The following BRSK1 variants were observed in gnomAD, a reference collection of about 807,000 sequenced individuals.
BRSK1 encodes the protein BR serine/threonine kinase 1, also known as serine/threonine-protein kinase BRSK1.
Under a neutral mutation model 86.2 loss-of-function variants are expected in BRSK1, and 17 were observed. The ratio of observed to expected loss-of-function variants is 0.20; its 90% CI spans 0.14 to 0.30. BRSK1 has a LOEUF of 0.30. BRSK1 is among the 10% of genes least tolerant of loss of function. The pLI, the probability that BRSK1 is intolerant of heterozygous loss-of-function variation, is 1.00. For missense variants in BRSK1, 719 were observed against 1,071.9 expected, an observed-to-expected ratio of 0.67 and a Z score of 4.60; for synonymous variants, 464 against 440.1, an observed-to-expected ratio of 1.05 and a Z score of -0.68.
At chr19:55,311,538 C>G (rs1006544599) in intron 18 of BRSK1, among the ~76,000 whole-genome samples, 1 of 152,116 alleles carries the variant, frequency 6.6e-6, no homozygotes, top group Admixed American at 6.5e-5. Flanking sequence ...AGTCGGGGGG[C>G]CCCTCTTGCT....
Position 55,303,891 on chromosome 19 carries a change from C to T in BRSK1, c.1286+65C>T, listed in dbSNP as rs2088608288. ...GGGTCTAGGAGTTCAAGATTCTAAC[C>T]CCAGCTCTACCTCAAATGTGCTGTG... On this transcript the variant is annotated intron_variant, in intron 12 of 18. Coordinates refer to ENST00000309383, the MANE Select transcript of BRSK1 (RefSeq NM_032430.2). This position sits in a 1 kb window ranked among gnomAD's most constrained non-coding sequence, Gnocchi z 5.1. 4 of 1,527,740 alleles carry T rather than the reference C, an allele frequency of 2.6e-6. No individual in the cohort carries two copies. The highest frequency in any genetic ancestry group is 4.5e-5 in the East Asian group (2 of 44,176). 94.6% of individuals were successfully genotyped at this position (1,527,740 alleles called of 1,614,324 possible).
At chr19:55,295,689 C>G (rs553497387) in intron 7 of BRSK1, among the ~76,000 whole-genome samples, 23 of 152,242 alleles carry the variant, frequency 1.5e-4, no homozygotes, top group Non-Finnish European at 3.1e-4. Flanking sequence ...ATAACCAGGC[C>G]GGGCACGGAG....
intron 4 of BRSK1, 46 bp from the exon 5 acceptor site, chr19:55,293,971 C>G: frequency 6.4e-7 from 1 of 1,551,536 alleles, no homozygotes; most frequent in Non-Finnish European, 8.8e-7. Flanking sequence ...GGGCCTGGGC[C>G]TCCTGGGAGG....
At chr19:55,293,499 C>CTCAA (rs1387922164) in intron 4 of BRSK1, among the ~76,000 whole-genome samples, 2 of 149,282 alleles carry the variant, frequency 1.3e-5, no homozygotes, top group African/African-American at 2.5e-5. Context: ...GAGACTCCAT[C>CTCAA]TCAATAAATA....
intron 4 of BRSK1, among the ~76,000 whole-genome samples, chr19:55,292,026 C>T (rs962001413): frequency 3.3e-5 from 5 of 152,206 alleles, no homozygotes; most frequent in Non-Finnish European, 7.3e-5. Flanking sequence ...TCCTGAAGTA[C>T]TGGGATGACA....
Position 55,294,041 on chromosome 19 carries a change from C to T in BRSK1, c.483C>T (p.Asn161=). 6.2e-7 allele frequency: 1 copy of T among 1,613,682 alleles called. No homozygotes were observed. Among genetic ancestry groups the T allele is most frequent in the Non-Finnish European group, 8.5e-7 (1 of 1,179,752 alleles). ...GCCACAGAGACCTAAAGCCCGAGAA[C>T]CTGCTTTTGGATGAGAAAAACAACA... ...SICHRDLKPE[N]LLLDEKNNIR... is the part of the protein sequence containing the mutation. Residue 161 remains asparagine, a synonymous_variant, in exon 5 of 19, where the codon AAC becomes AAT. Transcript: ENST00000309383. The surrounding 1 kb of genome is among the most constrained non-coding windows in gnomAD (Gnocchi z 4.9).
chr19:55,305,305 G>T lies in BRSK1; in HGVS notation c.1718-16G>T. 1 of 1,613,890 alleles carries T rather than the reference G, an allele frequency of 6.2e-7. No homozygotes were observed. Among genetic ancestry groups the T allele is most frequent in the Non-Finnish European group, 8.5e-7 (1 of 1,179,984 alleles). On this transcript the variant is annotated splice_polypyrimidine_tract_variant and intron_variant, in intron 14 of 18. Coordinates refer to ENST00000309383, the MANE Select transcript of BRSK1 (RefSeq NM_032430.2). ...TGCACAGGTGTTGACCACGTTCTCT[G>T]CCTTCCCCCTACCAGTCCCTACCGC...
chr19:55,305,163 T>C (rs1252842447), intron 14 of BRSK1, among the ~76,000 whole-genome samples, 158 bp from the exon 15 acceptor site: 1 of 152,140 alleles, frequency 6.6e-6, no homozygotes, highest in Non-Finnish European at 1.5e-5. Context: ...TTACCTCCCA[T>C]TGGCCCGTGG....
rs2088751228 is a variant in BRSK1 at position 55,310,144 on chromosome 19, GAC to G, written c.2179+1420_2179+1421del. Among the ~76,000 whole-genome samples, 1 of 152,212 alleles carries G rather than the reference GAC, an allele frequency of 6.6e-6. No individual in the cohort carries two copies. Among genetic ancestry groups the G allele is most frequent in the African/African-American group, 2.4e-5 (1 of 41,440 alleles). On this transcript the variant is annotated intron_variant, in intron 18 of 18. Transcript: ENST00000309383. This position sits in a 1 kb window ranked among gnomAD's most constrained non-coding sequence, Gnocchi z 5.0. Reference sequence around the variant, plus strand: ...TTTTCTATGGCCGCCGTCAACAAATGACACAGCCTTGGTGGCTGAAACAACAC... The same window carrying G: ...TTTTCTATGGCCGCCGTCAACAAATGACAGCCTTGGTGGCTGAAACAACAC...
At chr19:55,301,774 G>GAC in intron 8 of BRSK1, 116 bp downstream of exon 8, 1 of 1,282,548 alleles carries the variant, frequency 7.8e-7, no homozygotes, top group Non-Finnish European at 1.1e-6. Flanking sequence ...CAGGGTGACT[G>GAC]GGATCGCCAG....
chr19:55,306,089 G>T lies in BRSK1; in HGVS notation c.1891-163G>T, dbSNP rs1203074694. 6.6e-6 allele frequency among the ~76,000 whole-genome samples: 1 copy of T among 152,204 alleles called. No homozygotes were observed. The highest frequency in any genetic ancestry group is 2.4e-5 in the African/African-American group (1 of 41,442). On this transcript the variant is annotated intron_variant, in intron 16 of 18. Transcript: ENST00000309383. The surrounding 1 kb of genome is among the most constrained non-coding windows in gnomAD (Gnocchi z 4.7). ...CTCCCTTACTCGCTGATAGGATAGA[G>T]AAAGCTACAAGTCCTTGCAGGCAGT...
intron 7 of BRSK1, among the ~76,000 whole-genome samples, chr19:55,301,096 A>G (rs982819263): frequency 6.6e-6 from 1 of 151,760 alleles, no homozygotes; most frequent in African/African-American, 2.4e-5. Flanking sequence ...CTCCCATTGC[A>G]CCTCCTGGGA....
rs1222040925 is a variant in BRSK1 at position 55,294,083 on chromosome 19, C to T, written c.525C>T (p.Phe175=). The change falls in exon 5 of 19, where the codon TTC becomes TTT. Residue 175 remains phenylalanine (F), a synonymous_variant. Coordinates refer to ENST00000309383, the MANE Select transcript of BRSK1 (RefSeq NM_032430.2). The surrounding 1 kb of genome is among the most constrained non-coding windows in gnomAD (Gnocchi z 4.9). ...AAAACAACATCCGCATTGCAGACTT[C>T]GGCATGGCGTCCCTGCAGGTGGGGG... The part of the protein sequence containing the change: ...DEKNNIRIAD[F]GMASLQVGDS... 3.1e-6 allele frequency: 5 copies of T among 1,613,970 alleles called. No individual in the cohort carries two copies. The highest frequency in any genetic ancestry group is 2.2e-5 in the East Asian group (1 of 44,866).
chr19:55,284,493 CCCCCA>C lies in BRSK1; in HGVS notation c.56_60del (p.His19ProfsTer29). The C allele has an allele frequency of 1.5e-6, 1 of 656,756 alleles. No individual in the cohort carries two copies. Among genetic ancestry groups the C allele is most frequent in the Non-Finnish European group, 2.4e-6 (1 of 415,636 alleles). The allele number at this position is 656,756 out of a possible 1,614,324, so 40.7% of individuals were successfully genotyped here. On this transcript the variant is annotated frameshift_variant, in exon 1 of 19. Coordinates refer to ENST00000309383, the MANE Select transcript of BRSK1 (RefSeq NM_032430.2). LOFTEE classifies it high-confidence loss of function. ...GTGGGGGCTCTCCCGCCTACCACCTCCCCCACCCCCACCCCCACCCACCCCAGCAC... is the reference window on the plus strand; with the variant it reads ...GTGGGGGCTCTCCCGCCTACCACCTCCCCCCACCCCCACCCACCCCAGCAC...
At chr19:55,289,726 C>A in intron 4 of BRSK1, 106 bp downstream of exon 4, 1 of 1,412,446 alleles carries the variant, frequency 7.1e-7, no homozygotes, top group Non-Finnish European at 9.5e-7. Context: ...GGCCCCCAAA[C>A]CTTTATCCCA....
intron 17 of BRSK1, among the ~76,000 whole-genome samples, chr19:55,307,639 C>T (rs570499859): frequency 6.6e-6 from 1 of 151,074 alleles, no homozygotes; most frequent in East Asian, 2.0e-4. Context: ...TCCTGTAATC[C>T]CAGCACTTTG....
chr19:55,299,969 T>A (rs1239269680), intron 7 of BRSK1, among the ~76,000 whole-genome samples: 2 of 151,452 alleles, frequency 1.3e-5, no homozygotes, highest in East Asian at 3.9e-4. Flanking sequence ...CCATGGGGGG[T>A]CACCTTGGCT....
chr19:55,288,473 CAA>C (rs1233222342), intron 3 of BRSK1, among the ~76,000 whole-genome samples: 6 of 55,904 alleles, frequency 1.1e-4, no homozygotes, highest in Non-Finnish European at 1.1e-4. Flanking sequence ...GACTCTGTCT[CAA>C]AAAAAAAAAA....
At position 55,284,490 on chromosome 19, in the gene BRSK1, C is replaced by CCGG; in HGVS notation, c.49_50insGGC (p.His16_Leu17insArg). On this transcript the variant is annotated inframe_insertion, in exon 1 of 19. Transcript: ENST00000309383. ...GAGGTGGGGGCTCTCCCGCCTACCACCTCCCCCACCCCCACCCCCACCCAC... is the reference window on the plus strand; with the variant it reads ...GAGGTGGGGGCTCTCCCGCCTACCACCGGCTCCCCCACCCCCACCCCCACCCAC... 4 of 1,125,948 alleles carry CCGG rather than the reference C, an allele frequency of 3.6e-6. No individual in the cohort carries two copies. Among genetic ancestry groups the CCGG allele is most frequent in the Non-Finnish European group, 4.8e-6 (4 of 838,964 alleles). 69.7% of individuals were successfully genotyped at this position (1,125,948 alleles called of 1,614,324 possible).
Sources: gnomAD v4.1 joint callset for allele counts (sites outside exome capture counted in the v4.1 genomes callset) on GRCh38, gnomAD v4.1.1 for gene constraint, Gnocchi (gnomAD v3.1) non-coding constraint, MANE v1.5 for transcripts, NCBI Gene and HGNC (gene_info 2026-07-23, HGNC 2026-07-21) for gene names.